HCN1: variants seen among roughly 807,000 people sequenced by gnomAD.
HCN1 encodes the protein potassium/sodium hyperpolarization-activated cyclic nucleotide-gated channel 1.
HCN1 carries 13 observed loss-of-function variants against 78.9 expected under a neutral mutation model. That is an observed-to-expected ratio of 0.16 (90% confidence interval 0.11 to 0.26). HCN1 has a LOEUF of 0.26. Among genes scored for constraint, HCN1 ranks in the 10% least tolerant of loss-of-function variants. The pLI is 1.00. For missense variants in HCN1, 810 were observed against 1,154.3 expected, an observed-to-expected ratio of 0.70 and a Z score of 4.32; for synonymous variants, 552 against 455.5, an observed-to-expected ratio of 1.21 and a Z score of -2.70.
At chr5:45,548,746 C>T (rs1240578338) in intron 2 of HCN1, among the ~76,000 whole-genome samples, 1 of 152,028 alleles carries the variant, frequency 6.6e-6, no homozygotes, top group Non-Finnish European at 1.5e-5. Context: ...CATAGAAAAC[C>T]CCATTGTCTC....
intron 2 of HCN1, among the ~76,000 whole-genome samples, chr5:45,544,364 C>T (rs1743164033): frequency 6.6e-6 from 1 of 151,886 alleles, no homozygotes; most frequent in South Asian, 2.1e-4. Context: ...AGATGAGTTT[C>T]TAGAATTTTA....
chr5:45,261,790 T>C lies in HCN1; in HGVS notation c.*131A>G. 1 of 1,108,552 alleles carries C rather than the reference T, an allele frequency of 9.0e-7. No individual in the cohort carries two copies. Among genetic ancestry groups the C allele is most frequent in the Non-Finnish European group, 1.4e-6 (1 of 735,336 alleles). The allele number at this position is 1,108,552 out of a possible 1,614,324, so 68.7% of individuals were successfully genotyped here. ...TATATATATTTTTACATTTCACGTGTAGGCCACAGCTGTCTAAAATATCTC... is the reference window on the plus strand; with the variant it reads ...TATATATATTTTTACATTTCACGTGCAGGCCACAGCTGTCTAAAATATCTC... On this transcript the variant is annotated 3_prime_UTR_variant, in exon 8 of 8. Coordinates refer to ENST00000303230, the MANE Select transcript of HCN1 (RefSeq NM_021072.4).
chr5:45,669,120 A>G (rs1746104271), intron 1 of HCN1, among the ~76,000 whole-genome samples: 1 of 151,912 alleles, frequency 6.6e-6, no homozygotes, highest in South Asian at 2.1e-4. Flanking sequence ...ACTCAAATCT[A>G]AAAGTTTTAG....
intron 6 of HCN1, among the ~76,000 whole-genome samples, chr5:45,298,121 AT>A (rs1561093809): frequency 1.3e-5 from 2 of 152,004 alleles, no homozygotes; most frequent in African/African-American, 4.8e-5. Flanking sequence ...TTAATACCCA[AT>A]ATGGCAGTAC....
At chr5:45,532,218 C>T (rs931740924) in intron 2 of HCN1, among the ~76,000 whole-genome samples, 2 of 152,104 alleles carry the variant, frequency 1.3e-5, no homozygotes, top group Non-Finnish European at 1.5e-5. Flanking sequence ...TCTTCAAAGG[C>T]GAGGACCACA....
At chr5:45,514,997 A>G (rs1320665633) in intron 2 of HCN1, among the ~76,000 whole-genome samples, 1 of 151,946 alleles carries the variant, frequency 6.6e-6, no homozygotes, top group Non-Finnish European at 1.5e-5. Context: ...TTTTATTGGT[A>G]ATATGCTTTC....
At chr5:45,267,023 T>C in intron 7 of HCN1, 66 bp downstream of exon 7, 11 of 1,384,038 alleles carry the variant, frequency 7.9e-6, no homozygotes, top group Non-Finnish European at 1.1e-5. Context: ...TTGGGACTTA[T>C]AATTGCAAAC....
intron 5 of HCN1, among the ~76,000 whole-genome samples, chr5:45,341,056 C>T (rs1451120341): frequency 6.6e-6 from 1 of 152,138 alleles, no homozygotes; most frequent in African/African-American, 2.4e-5. Flanking sequence ...TTCATTCTAT[C>T]TTATCTTTCT....
chr5:45,563,745 AAT>A (rs139548364), intron 2 of HCN1, among the ~76,000 whole-genome samples: 40,506 of 152,030 alleles, frequency 0.27, 5,494 homozygotes, highest in East Asian at 0.32. Flanking sequence ...TTATTTAATG[AAT>A]AGTCATCATA....
intron 3 of HCN1, among the ~76,000 whole-genome samples, chr5:45,431,834 TA>T (rs1740469948): frequency 6.6e-6 from 1 of 152,174 alleles, no homozygotes; most frequent in Non-Finnish European, 1.5e-5. Flanking sequence ...TTGGTTACTG[TA>T]GGCTTGTAAC....
intron 5 of HCN1, among the ~76,000 whole-genome samples, chr5:45,344,476 A>T (rs1746654718): frequency 6.6e-6 from 1 of 152,202 alleles, no homozygotes. Flanking sequence ...ATCTGAATCA[A>T]GGAAAGTCTC....
At chr5:45,395,025 C>A (rs1445347495) in intron 4 of HCN1, among the ~76,000 whole-genome samples, 2 of 152,078 alleles carry the variant, frequency 1.3e-5, no homozygotes, top group Admixed American at 1.3e-4. Context: ...CCAAGTTAAA[C>A]TTGGCTAATA....
At chr5:45,299,568 G>T (rs1043030479) in intron 6 of HCN1, among the ~76,000 whole-genome samples, 1 of 151,740 alleles carries the variant, frequency 6.6e-6, no homozygotes, top group African/African-American at 2.4e-5. Flanking sequence ...TTTTTTTAAA[G>T]CTTTCCAGGA....
intron 6 of HCN1, among the ~76,000 whole-genome samples, chr5:45,279,450 A>T (rs1250892928): frequency 6.6e-6 from 1 of 152,140 alleles, no homozygotes; most frequent in African/African-American, 2.4e-5. Context: ...AAGGATAAGG[A>T]TGAGAAATGA....
chr5:45,384,599 G>A (rs1747877291), intron 4 of HCN1, among the ~76,000 whole-genome samples: 1 of 152,050 alleles, frequency 6.6e-6, no homozygotes, highest in Non-Finnish European at 1.5e-5. Flanking sequence ...TTCATCAAAT[G>A]TTTGATCTTT....
intron 2 of HCN1, among the ~76,000 whole-genome samples, chr5:45,507,841 T>C (rs894330979): frequency 3.3e-5 from 5 of 152,108 alleles, no homozygotes; most frequent in African/African-American, 1.2e-4. Context: ...CATCAATATT[T>C]GAATAAATAT....
chr5:45,573,240 C>G (rs1255703334), intron 2 of HCN1, among the ~76,000 whole-genome samples: 1 of 152,098 alleles, frequency 6.6e-6, no homozygotes, highest in Non-Finnish European at 1.5e-5. Flanking sequence ...TTCTGCTCTT[C>G]TTCCCCAAAC....
At position 45,353,216 on chromosome 5, in the gene HCN1, G is replaced by T. The variant is rs1746947566; in HGVS notation, c.1261C>A (p.His421Asn). 2 of 1,608,490 alleles carry T rather than the reference G, an allele frequency of 1.2e-6. No homozygotes were observed. ...TGACGCATATCAGCTGGTAACTTAT[G>T]GAATGACATGTATTGTTCCACTTGC... Reference protein sequence around the residue: ...YKQVEQYMSFHKLPADMRQKI... With the variant: ...YKQVEQYMSFNKLPADMRQKI... Residue 421 changes from histidine to asparagine, a missense_variant, in exon 5 of 8, where the codon CAT becomes AAT. Physicochemically the swap from His to Asn is moderately conservative, Grantham distance 68 (BLOSUM62 1). Transcript: ENST00000303230.
intron 2 of HCN1, among the ~76,000 whole-genome samples, chr5:45,501,557 C>A (rs1459117659): frequency 6.6e-6 from 1 of 152,092 alleles, no homozygotes; most frequent in Non-Finnish European, 1.5e-5. Context: ...ACCTCAGCCC[C>A]CTGAGTCTGA....
Sources: allele counts gnomAD v4.1 joint callset (sites outside exome capture counted in the v4.1 genomes callset), GRCh38; gene constraint gnomAD v4.1.1; transcripts MANE v1.5; gene names NCBI Gene and HGNC (gene_info 2026-07-23, HGNC 2026-07-21).